Variants in CACHD1 observed in about 807,000 individuals in gnomAD.
The protein encoded by CACHD1 is cache domain containing 1, also known as VWFA and cache domain-containing protein 1.
A neutral mutation model predicts 138.7 loss-of-function variants in CACHD1; 71 were observed. The observed-to-expected ratio is 0.51, with a 90% CI of 0.42 to 0.62. CACHD1 has a LOEUF of 0.62. Ranked by LOEUF, CACHD1 falls within the 20% of genes least tolerant of loss-of-function variation. The pLI is 0.00. For synonymous variants in CACHD1, 578 were observed against 591.5 expected, an observed-to-expected ratio of 0.98 and a Z score of 0.33; for missense variants, 1,389 against 1,625.3, an observed-to-expected ratio of 0.85 and a Z score of 2.50.
intron 1 of CACHD1, among the ~76,000 whole-genome samples, chr1:64,500,734 A>AAGAG (rs5774705): frequency 1.2e-3 from 33 of 26,474 alleles, no homozygotes; most frequent in South Asian, 8.3e-3. Flanking sequence ...AAAAAAAAAA[A>AAGAG]AGAGAGAGAG....
intron 3 of CACHD1, among the ~76,000 whole-genome samples, chr1:64,590,660 G>T (rs1647092264): frequency 1.4e-5 from 2 of 138,982 alleles, no homozygotes; most frequent in South Asian, 2.1e-4. Context: ...CAAGTCAAGG[G>T]TTTTGTTTTG....
At chr1:64,664,977 A>C (rs1649581751) in intron 15 of CACHD1, among the ~76,000 whole-genome samples, 1 of 152,172 alleles carries the variant, frequency 6.6e-6, no homozygotes, top group Non-Finnish European at 1.5e-5. Context: ...TCCCTACTGG[A>C]TAGACTTCAT....
Position 64,658,852 on chromosome 1 carries a change from T to C in CACHD1, c.1930T>C (p.Phe644Leu), listed in dbSNP as rs1376762520. The C allele has an allele frequency of 8.2e-6, 13 of 1,576,552 alleles. No individual in the cohort carries two copies. The Admixed American group carries it at 2.3e-4, about 28-fold the overall frequency. The part of the protein sequence containing the change: ...LLGQPSACLH[F>L]KQLATLESPT... ...TGGCCAGCCCAGTGCTTGCCTCCACTTCAAACAGCTGGCAACCCTAGGTAA... is the reference window on the plus strand; with the variant it reads ...TGGCCAGCCCAGTGCTTGCCTCCACCTCAAACAGCTGGCAACCCTAGGTAA... Residue 644 changes from phenylalanine (F) to leucine (L), a missense_variant, in exon 13 of 27, where the codon TTC becomes CTC. Phe to Leu is a conservative substitution (Grantham distance 22, BLOSUM62 0). Around this residue, in one of 5 missense-constraint regions of CACHD1, gnomAD observed 1,000 missense variants for 1,114.7 expected, o/e 0.90. Transcript: ENST00000651257.
At chr1:64,535,757 A>G (rs1406181355) in intron 1 of CACHD1, among the ~76,000 whole-genome samples, 4 of 151,962 alleles carry the variant, frequency 2.6e-5, no homozygotes, top group African/African-American at 7.3e-5. Flanking sequence ...TTAGTAGGCC[A>G]CCTCCCTCAG....
intron 2 of CACHD1, among the ~76,000 whole-genome samples, chr1:64,566,474 T>C (rs763067104): frequency 2.1e-5 from 1 of 48,358 alleles, no homozygotes; most frequent in African/African-American, 1.1e-4. Flanking sequence ...CTGTATGTTT[T>C]CAATTCCCCC....
chr1:64,581,565 G>C (rs1471811213), intron 2 of CACHD1, among the ~76,000 whole-genome samples: 1 of 152,158 alleles, frequency 6.6e-6, no homozygotes, highest in Non-Finnish European at 1.5e-5. Context: ...CATCTTAAAG[G>C]TGTAGCAGAC....
In CACHD1 at chr1:64,634,205, C is replaced by T. The variant is rs1388259176; in HGVS notation, c.951C>T (p.Phe317=). The change falls in exon 7 of 27, where the codon TTC becomes TTT. Residue 317 remains phenylalanine, a synonymous_variant. Transcript: ENST00000651257. ...SDSPTQHAVG[F]QKAFQLIRST... ...GTCCTACCCAGCACGCAGTGGGATT[C>T]CAAAAGGCATTTCAGCTGATTCGAA... 6.2e-7 allele frequency: 1 copy of T among 1,613,772 alleles called. No homozygotes were observed.
rs1321245258 is a variant in CACHD1 at position 64,692,592 on chromosome 1, G to A, written c.*1031G>A. On this transcript the variant is annotated 3_prime_UTR_variant, in exon 27 of 27. Coordinates refer to ENST00000651257, the MANE Select transcript of CACHD1 (RefSeq NM_020925.4). ...TTGACTGAGAATATTGACATATAAG[G>A]GAAGAAGTTTTCTAAATTGTGAAAG... The A allele has an allele frequency of 6.6e-6, 1 of 152,004 alleles. No homozygotes were observed. The highest frequency in any genetic ancestry group is 2.4e-5 in the African/African-American group (1 of 41,386). The allele number at this position is 152,004 out of a possible 1,614,324, so 9.4% of individuals were successfully genotyped here.
chr1:64,552,208 GT>G (rs1250654174), intron 2 of CACHD1, among the ~76,000 whole-genome samples: 3 of 151,734 alleles, frequency 2.0e-5, no homozygotes, highest in African/African-American at 7.3e-5. Flanking sequence ...CTAGGAACAA[GT>G]TTAGAAGCCT....
Position 64,582,241 on chromosome 1 carries a change from C to T in CACHD1, c.347C>T (p.Ala116Val). 6.2e-7 allele frequency: 1 copy of T among 1,613,922 alleles called. No homozygotes were observed. Among genetic ancestry groups the T allele is most frequent in the African/African-American group, 1.3e-5 (1 of 75,048 alleles). ...NKQVVEASYT[A>V]HLTSPLTAIQ... is the part of the protein sequence containing the mutation. ...CAAGTTGTAGAAGCATCCTATACGG[C>T]TCACCTAACCTCTCCCCTAACTGCA... Residue 116 changes from alanine to valine, a missense_variant, in exon 3 of 27, where the codon GCT becomes GTT. Around this residue, in one of 5 missense-constraint regions of CACHD1, gnomAD observed 1,000 missense variants for 1,114.7 expected, o/e 0.90. Transcript: ENST00000651257.
At chr1:64,681,048 T>C (rs1014243353) in intron 24 of CACHD1, among the ~76,000 whole-genome samples, 1 of 152,212 alleles carries the variant, frequency 6.6e-6, no homozygotes, top group Non-Finnish European at 1.5e-5. Context: ...GAATTTCAGA[T>C]GTCTCTTGAT....
At chr1:64,672,264 G>A (rs1382049998) in intron 17 of CACHD1, among the ~76,000 whole-genome samples, 1 of 152,146 alleles carries the variant, frequency 6.6e-6, no homozygotes, top group Non-Finnish European at 1.5e-5. Flanking sequence ...ATGGGGAAAT[G>A]CAGAATTCCT....
intron 2 of CACHD1, among the ~76,000 whole-genome samples, chr1:64,580,188 A>G (rs1647000934): frequency 6.6e-6 from 1 of 152,192 alleles, no homozygotes; most frequent in African/African-American, 2.4e-5. Context: ...GGGGAAGGAA[A>G]AACAAAGAAT....
At chr1:64,649,886 AGT>A (rs1264992629) in intron 9 of CACHD1, among the ~76,000 whole-genome samples, 1 of 152,098 alleles carries the variant, frequency 6.6e-6, no homozygotes, top group Non-Finnish European at 1.5e-5. Flanking sequence ...CCTCTACTAG[AGT>A]GTGTCTGTCT....
intron 2 of CACHD1, among the ~76,000 whole-genome samples, chr1:64,554,768 G>A (rs983169994): frequency 7.2e-5 from 11 of 152,126 alleles, no homozygotes; most frequent in African/African-American, 2.7e-4. Flanking sequence ...AGAACTTTCT[G>A]AGATGATGAT....
intron 9 of CACHD1, among the ~76,000 whole-genome samples, chr1:64,651,550 G>A (rs1649093817): frequency 6.6e-6 from 1 of 152,148 alleles, no homozygotes; most frequent in Non-Finnish European, 1.5e-5. Context: ...AGCTACTTGA[G>A]AGACTGAGGA....
chr1:64,478,163 C>T (rs886608417), intron 1 of CACHD1, among the ~76,000 whole-genome samples: 1 of 152,110 alleles, frequency 6.6e-6, no homozygotes, highest in East Asian at 1.9e-4. Flanking sequence ...GGTGACTCTC[C>T]TAGATTTTTA....
chr1:64,679,528 C>A lies in CACHD1; in HGVS notation c.3245-67C>A, dbSNP rs1021377669. The A allele has an allele frequency of 3.8e-6, 6 of 1,566,182 alleles. No homozygotes were observed. The African/African-American group carries it at 8.1e-5, about 21-fold the overall frequency. ...TCCCACTGTATTCCCTCCCATCTCA[C>A]CATCCTTACTTTCTTCCCCACTTGG... On this transcript the variant is annotated intron_variant, in intron 23 of 26. Coordinates refer to ENST00000651257, the MANE Select transcript of CACHD1 (RefSeq NM_020925.4).
chr1:64,546,009 TTTAGTA>T (rs1367872188), intron 1 of CACHD1, among the ~76,000 whole-genome samples: 1 of 152,214 alleles, frequency 6.6e-6, no homozygotes, highest in African/African-American at 2.4e-5. Flanking sequence ...TATTTTTAGT[TTTAGTA>T]TTTGATAAAG....
Sources: allele counts gnomAD v4.1 joint callset (sites outside exome capture counted in the v4.1 genomes callset), GRCh38; gene constraint gnomAD v4.1.1; regional missense constraint gnomAD v4.1.1; transcripts MANE v1.5; gene names NCBI Gene and HGNC (gene_info 2026-07-23, HGNC 2026-07-21).